Variants in MYL4 observed in about 807,000 individuals in gnomAD.
MYL4 encodes the protein atrial myosin light chain 1.
A neutral mutation model predicts 21.6 loss-of-function variants in MYL4; 16 were observed. The ratio of observed to expected loss-of-function variants is 0.74; its 90% CI spans 0.50 to 1.12. The LOEUF is 1.12. Ranked by LOEUF, MYL4 falls within the 50% of genes most tolerant of loss-of-function variation. The pLI is 0.00. For synonymous variants in MYL4, 82 were observed against 95.7 expected, an observed-to-expected ratio of 0.86 and a Z score of 0.83; for missense variants, 249 against 252.9, an observed-to-expected ratio of 0.98 and a Z score of 0.11.
chr17:47,213,316 G>A (rs868635461), intron 1 of MYL4, among the ~76,000 whole-genome samples: 11 of 152,224 alleles, frequency 7.2e-5, no homozygotes, highest in African/African-American at 2.2e-4. Context: ...GTTGTCCCTC[G>A]TTATCTGTAG....
Position 47,221,331 on chromosome 17 carries a change from G to A in MYL4, c.314-351G>A, listed in dbSNP as rs138002099. On this transcript the variant is annotated intron_variant, in intron 3 of 6. Transcript: ENST00000393450. The stretch of plus-strand genomic sequence containing the variant: ...CTAAACTGAGTGTGAGGCCCGGGCC[G>A]CGTGGCACTTCAGACCCCTCACATC... Among the ~76,000 whole-genome samples, 10 of 152,210 alleles carry A rather than the reference G, an allele frequency of 6.6e-5. No homozygotes were observed. In the East Asian group the frequency reaches 9.7e-4, roughly 15 times the overall value.
At chr17:47,217,624 T>C (rs2064824514) in intron 2 of MYL4, among the ~76,000 whole-genome samples, 1 of 152,230 alleles carries the variant, frequency 6.6e-6, no homozygotes, top group Non-Finnish European at 1.5e-5. Flanking sequence ...ACTAGCAGCA[T>C]TGTTTATGCA....
At chr17:47,216,752 T>C (rs2064818102) in intron 2 of MYL4, among the ~76,000 whole-genome samples, 1 of 151,314 alleles carries the variant, frequency 6.6e-6, no homozygotes, top group South Asian at 2.1e-4. Context: ...TGGAGTGCAA[T>C]GGTGTGATCT....
At chr17:47,192,649 C>CA in the MYL4 span, among the ~76,000 whole-genome samples, 44 of 137,566 alleles carry the variant, frequency 3.2e-4, no homozygotes, top group Admixed American at 4.4e-4. Context: ...GACTGTGTCT[C>CA]AAAAAAAAAA....
At chr17:47,222,067 A>G (rs900162234) in intron 4 of MYL4, among the ~76,000 whole-genome samples, 2 of 151,904 alleles carry the variant, frequency 1.3e-5, no homozygotes, top group Non-Finnish European at 2.9e-5. Flanking sequence ...TTGGGAGAGG[A>G]GGGGAGAGCA....
rs900431445 is a variant in MYL4 at position 47,212,212 on chromosome 17, A to G, written c.136-1587A>G. ...GCCTGGGTGACAAGTGCGAAACTCC[A>G]TCTCAAAAAATAAGAATAAAAAATA... On this transcript the variant is annotated intron_variant, in intron 1 of 6. Transcript: ENST00000393450. 3.8e-4 allele frequency among the ~76,000 whole-genome samples: 58 copies of G among 152,156 alleles called. 1 individual carries two copies. The highest frequency in any genetic ancestry group is 3.1e-3 in the Admixed American group (48 of 15,268).
chr17:47,197,828 A>C (rs2064695194), upstream of MYL4, among the ~76,000 whole-genome samples: 1 of 152,188 alleles, frequency 6.6e-6, no homozygotes, highest in Non-Finnish European at 1.5e-5. Flanking sequence ...TTTTGACTTG[A>C]TATTGTCAAC....
chr17:47,217,197 C>G (rs1221035279), intron 2 of MYL4, among the ~76,000 whole-genome samples: 2 of 152,148 alleles, frequency 1.3e-5, no homozygotes, highest in African/African-American at 4.8e-5. Flanking sequence ...TGGCTCATAC[C>G]TGTAATCTCA....
chr17:47,217,879 C>A (rs2064826433), intron 2 of MYL4, among the ~76,000 whole-genome samples: 1 of 151,890 alleles, frequency 6.6e-6, no homozygotes, highest in African/African-American at 2.4e-5. Flanking sequence ...ACTAAAAATA[C>A]ATAATTAGCC....
intron 5 of MYL4, 110 bp downstream of exon 5, chr17:47,222,567 T>G (rs1391905634): frequency 2.2e-6 from 2 of 892,160 alleles, no homozygotes; most frequent in African/African-American, 1.6e-5. Flanking sequence ...TGGGTTTTTG[T>G]AGACCCCCCA....
the MYL4 span, among the ~76,000 whole-genome samples, chr17:47,191,332 A>G: frequency 6.6e-6 from 1 of 152,364 alleles, no homozygotes; most frequent in Non-Finnish European, 1.5e-5. Flanking sequence ...ATGGAAAGAA[A>G]GGGATAAGTA....
chr17:47,207,259 G>A (rs537669613), upstream of MYL4, among the ~76,000 whole-genome samples: 6 of 152,272 alleles, frequency 3.9e-5, no homozygotes, highest in Admixed American at 1.3e-4. Context: ...ACCAGTGAGC[G>A]TGTATAGGCT....
chr17:47,222,601 TGTGAGTGAACCTCCTA>T, intron 5 of MYL4, 144 bp downstream of exon 5: 1 of 701,940 alleles, frequency 1.4e-6, no homozygotes, highest in Non-Finnish European at 2.4e-6. Context: ...TGTTCCATCT[TGTGAGTGAACCTCCTA>T]GTGTAATGGC....
At chr17:47,198,521 A>C (rs1806532479), upstream of MYL4, among the ~76,000 whole-genome samples, 1 of 152,182 alleles carries the variant, frequency 6.6e-6, no homozygotes, top group South Asian at 2.1e-4. Flanking sequence ...TTGCAGAGCA[A>C]TGGATTAAAC....
At chr17:47,191,790 T>C in the MYL4 span, among the ~76,000 whole-genome samples, 1 of 152,156 alleles carries the variant, frequency 6.6e-6, no homozygotes, top group African/African-American at 2.4e-5. Context: ...TTTTTAGCAG[T>C]CACATGACAC....
In MYL4 at chr17:47,219,991, C is replaced by T. The variant is rs2064843483; in HGVS notation, c.251C>T (p.Ala84Val). 1 of 1,614,210 alleles carries T rather than the reference C, an allele frequency of 6.2e-7. No individual in the cohort carries two copies. The highest frequency in any genetic ancestry group is 8.5e-7 in the Non-Finnish European group (1 of 1,180,022). Residue 84 changes from alanine (A) to valine (V), a missense_variant, in exon 3 of 7, where the codon GCC becomes GTC. Physicochemically the swap from Ala to Val is moderately conservative, Grantham distance 64. Transcript: ENST00000393450. ...GGCCAGTGCGGGGATGTACTGCGGG[C>T]CCTGGGCCAGAACCCTACCAATGCC... is the stretch of plus-strand genomic sequence containing the variant. The part of the protein sequence containing the change: ...TYGQCGDVLR[A>V]LGQNPTNAEV...
intron 1 of MYL4, among the ~76,000 whole-genome samples, chr17:47,201,729 T>C (rs1424504198): frequency 2.0e-5 from 3 of 152,146 alleles, no homozygotes; most frequent in African/African-American, 7.2e-5. Flanking sequence ...GTGCCAGGAT[T>C]ATAGGCGTGA....
downstream of MYL4, among the ~76,000 whole-genome samples, chr17:47,227,218 T>C (rs925970544): frequency 2.0e-5 from 3 of 152,214 alleles, no homozygotes; most frequent in East Asian, 5.8e-4. Flanking sequence ...GCTGCCTCCA[T>C]GGTGTTGGGC....
chr17:47,208,550 T>TAC (rs55886095), upstream of MYL4, among the ~76,000 whole-genome samples: 22,463 of 145,800 alleles, frequency 0.15, 1,865 homozygotes, highest in Non-Finnish European at 0.2. Context: ...TAGTAAGCAC[T>TAC]ACACACACAC....
Sources: gnomAD v4.1 joint callset for allele counts (sites outside exome capture counted in the v4.1 genomes callset) on GRCh38, gnomAD v4.1.1 for gene constraint, MANE v1.5 for transcripts, NCBI Gene and HGNC (gene_info 2026-07-23, HGNC 2026-07-21) for gene names.